Variants in MARCHF1 observed in about 807,000 individuals in gnomAD.
The protein encoded by MARCHF1 is membrane associated ring-CH-type finger 1.
A neutral mutation model predicts 54.2 loss-of-function variants in MARCHF1; 40 were observed. The observed-to-expected ratio is 0.74, with a 90% confidence interval of 0.57 to 0.96. The LOEUF is 0.96. Ranked by LOEUF, MARCHF1 falls within the 40% of genes least tolerant of loss-of-function variation. MARCHF1 has a pLI of 0.00. For missense variants in MARCHF1, 586 were observed against 656.5 expected (o/e 0.89, Z 1.17); for synonymous variants, 236 against 236.3 (o/e 1.00, Z 0.01).
At chr4:164,041,847 T>G (rs866136839) in intron 2 of MARCHF1, among the ~76,000 whole-genome samples, 2 of 152,208 alleles carry the variant, frequency 1.3e-5, no homozygotes, top group African/African-American at 4.8e-5. Flanking sequence ...ATATTTCATT[T>G]GCTTTTCTCT....
chr4:163,895,069 G>A (rs372946494), intron 3 of MARCHF1, among the ~76,000 whole-genome samples: 1 of 151,962 alleles, frequency 6.6e-6, no homozygotes, highest in Non-Finnish European at 1.5e-5. Context: ...GCATAAATAT[G>A]CATGTGATGC....
At chr4:164,160,027 A>C (rs1303076663) in intron 1 of MARCHF1, among the ~76,000 whole-genome samples, 3 of 150,548 alleles carry the variant, frequency 2.0e-5, no homozygotes, top group Non-Finnish European at 4.4e-5. Flanking sequence ...TTTTTAAAAT[A>C]TTGTACTTCA....
chr4:163,692,153 C>T (rs111996781), intron 5 of MARCHF1, among the ~76,000 whole-genome samples: 1 of 152,136 alleles, frequency 6.6e-6, no homozygotes, highest in Non-Finnish European at 1.5e-5. Context: ...TATAAGTTAA[C>T]AAAACAAAGC....
chr4:163,573,295 CTTATTA>C (rs34017689), intron 8 of MARCHF1, among the ~76,000 whole-genome samples: 1,772 of 144,278 alleles, frequency 0.012, 43 homozygotes, highest in East Asian at 0.096. Context: ...TGCTTTTTCT[CTTATTA>C]TTATTATTAT....
At chr4:163,800,018 G>C (rs1187496438) in intron 4 of MARCHF1, among the ~76,000 whole-genome samples, 3 of 152,132 alleles carry the variant, frequency 2.0e-5, no homozygotes, top group African/African-American at 4.8e-5. Context: ...ATTATGCTAA[G>C]TGAATTAATG....
At chr4:163,887,208 G>A (rs1254482886) in intron 3 of MARCHF1, among the ~76,000 whole-genome samples, 1 of 152,034 alleles carries the variant, frequency 6.6e-6, no homozygotes, top group Admixed American at 6.6e-5. Context: ...AGGTAGATAT[G>A]ATTGAAAGTA....
chr4:163,913,321 C>T (rs1355001490), intron 3 of MARCHF1, among the ~76,000 whole-genome samples: 1 of 152,154 alleles, frequency 6.6e-6, no homozygotes, highest in Non-Finnish European at 1.5e-5. Flanking sequence ...TTTTCTGTGC[C>T]TCCAAAGAGG....
chr4:164,334,783 AG>A (rs1311376868), intron 1 of MARCHF1, among the ~76,000 whole-genome samples: 8 of 152,342 alleles, frequency 5.3e-5, no homozygotes, highest in Non-Finnish European at 1.2e-4. Flanking sequence ...CTTTCTGGAA[AG>A]GATTTGTCAT....
In MARCHF1 at chr4:163,849,693, C is replaced by T. The variant is rs62347949; in HGVS notation, c.111+4328G>A. On this transcript the variant is annotated intron_variant, in intron 4 of 9. Coordinates refer to ENST00000514618, the MANE Select transcript of MARCHF1 (RefSeq NM_001394959.1). ...CCATATATCTCCATGATTACCCACT[C>T]CCATTCTTTCTCTTCTCTGATAAAT... Among the ~76,000 whole-genome samples, 966 of 152,248 alleles carry T rather than the reference C, an allele frequency of 6.3e-3. 11 individuals carry two copies. The highest frequency in any genetic ancestry group is 0.01 in the Non-Finnish European group (693 of 68,016).
At chr4:163,925,793 C>T (rs1751524356) in intron 3 of MARCHF1, among the ~76,000 whole-genome samples, 1 of 151,574 alleles carries the variant, frequency 6.6e-6, no homozygotes. Flanking sequence ...TAGTTAATAA[C>T]ATACTACTTA....
At chr4:163,897,397 C>A (rs1216782647) in intron 3 of MARCHF1, among the ~76,000 whole-genome samples, 1 of 152,120 alleles carries the variant, frequency 6.6e-6, no homozygotes, top group East Asian at 1.9e-4. Flanking sequence ...CCCTCACATT[C>A]CTTATATTCT....
chr4:163,677,227 G>A (rs1031056981), intron 5 of MARCHF1, among the ~76,000 whole-genome samples: 5 of 152,148 alleles, frequency 3.3e-5, no homozygotes, highest in African/African-American at 1.2e-4. Flanking sequence ...AAATTTTAAA[G>A]ATGTAAATTA....
At chr4:163,703,011 G>T (rs778965946) in intron 4 of MARCHF1, among the ~76,000 whole-genome samples, 35 of 152,146 alleles carry the variant, frequency 2.3e-4, no homozygotes, top group Non-Finnish European at 4.1e-4. Context: ...GCTAATTCTG[G>T]CAGGAGTACA....
chr4:163,712,569 T>C (rs1745138157), intron 4 of MARCHF1, among the ~76,000 whole-genome samples: 1 of 152,210 alleles, frequency 6.6e-6, no homozygotes. Flanking sequence ...CTGACTTCTC[T>C]TCTTGCGTCT....
chr4:164,060,865 A>G (rs1754601784), intron 2 of MARCHF1, among the ~76,000 whole-genome samples: 1 of 152,208 alleles, frequency 6.6e-6, no homozygotes. Context: ...GCATTCATGC[A>G]TCACATTAAG....
chr4:164,031,656 C>G (rs1451038251), intron 2 of MARCHF1, among the ~76,000 whole-genome samples: 1 of 152,070 alleles, frequency 6.6e-6, no homozygotes, highest in Non-Finnish European at 1.5e-5. Context: ...TATGTTGAAC[C>G]AGCCTTGCAT....
At chr4:163,617,691 G>A (rs559426835) in intron 5 of MARCHF1, among the ~76,000 whole-genome samples, 1 of 152,076 alleles carries the variant, frequency 6.6e-6, no homozygotes, top group African/African-American at 2.4e-5. Flanking sequence ...TATGGCCATA[G>A]AATCTAATAA....
intron 4 of MARCHF1, among the ~76,000 whole-genome samples, chr4:163,827,250 A>G (rs1254379234): frequency 6.6e-6 from 1 of 152,052 alleles, no homozygotes; most frequent in East Asian, 1.9e-4. Context: ...TTGCCTTTCA[A>G]TCATCAGATA....
intron 1 of MARCHF1, among the ~76,000 whole-genome samples, chr4:164,204,963 T>C (rs1380511957): frequency 6.6e-6 from 1 of 152,226 alleles, no homozygotes; most frequent in Non-Finnish European, 1.5e-5. Flanking sequence ...GTATAAACAG[T>C]TAAATAAAAT....
Sources: allele counts gnomAD v4.1 joint callset (sites outside exome capture counted in the v4.1 genomes callset), GRCh38; gene constraint gnomAD v4.1.1; transcripts MANE v1.5; gene names NCBI Gene and HGNC (gene_info 2026-07-23, HGNC 2026-07-21).